The following SLC22A13 variants were observed in gnomAD, a reference collection of about 807,000 sequenced individuals.
The protein encoded by SLC22A13 is organic anion transporter 10.
A neutral mutation model predicts 49.1 loss-of-function variants in SLC22A13; 42 were observed. The ratio of observed to expected loss-of-function variants is 0.85; its 90% CI spans 0.67 to 1.11. The LOEUF is 1.11. Among genes scored for constraint, SLC22A13 ranks in the 50% least tolerant of loss-of-function variants. The pLI, the probability that SLC22A13 is intolerant of heterozygous loss-of-function variation, is 0.00. For synonymous variants in SLC22A13, 282 were observed against 293.1 expected (o/e 0.96, Z 0.39); for missense variants, 694 against 712.8 (o/e 0.97, Z 0.30).
intron 3 of SLC22A13, 22 bp from the exon 4 acceptor site, chr3:38,274,967 C>T (rs372380191): frequency 1.9e-6 from 3 of 1,612,318 alleles, no homozygotes; most frequent in African/African-American, 2.7e-5. Context: ...TTAGCCCTGT[C>T]TCAACCTCTC....
chr3:38,275,191 C>T, intron 4 of SLC22A13, 34 bp downstream of exon 4: 2 of 1,612,350 alleles, frequency 1.2e-6, no homozygotes, highest in South Asian at 1.1e-5. Flanking sequence ...CAAGCCCCCC[C>T]AGGTTAGTTG....
Position 38,265,906 on chromosome 3 carries a change from C to T in SLC22A13, c.46C>T (p.Arg16Cys), listed in dbSNP as rs1167633993. ...CCTGGCTGAAATAGGTGACTTTGGT[C>T]GCTTCCAGATACAGCTATTGATCCT... ...QVLAEIGDFG[R>C]FQIQLLILLC... The change falls in exon 1 of 10, where the codon CGC (arginine) becomes TGC (cysteine). Residue 16 changes from arginine (R) to cysteine (C), a missense_variant. Coordinates refer to ENST00000311856, the MANE Select transcript of SLC22A13 (RefSeq NM_004256.4). 23 of 1,613,936 alleles carry T rather than the reference C, an allele frequency of 1.4e-5. No homozygotes were observed. Among genetic ancestry groups the T allele is most frequent in the African/African-American group, 6.7e-5 (5 of 74,900 alleles).
In SLC22A13 at chr3:38,277,703, A is replaced by G. The variant is rs149385276; in HGVS notation, c.*238A>G. 4.9e-5 allele frequency: 22 copies of G among 445,270 alleles called. No homozygotes were observed. Among genetic ancestry groups the G allele is most frequent in the African/African-American group, 2.0e-4 (10 of 50,660 alleles). 27.6% of individuals were successfully genotyped at this position (445,270 alleles called of 1,614,324 possible). The stretch of plus-strand genomic sequence containing the variant: ...TCTCATCTCCAGAGCCCTGCCCCCA[A>G]TACTCTGTCTGGGTTAGGATCTTGG... On this transcript the variant is annotated 3_prime_UTR_variant, in exon 10 of 10. Coordinates refer to ENST00000311856, the MANE Select transcript of SLC22A13 (RefSeq NM_004256.4).
At chr3:38,274,125 G>A in intron 1 of SLC22A13, 147 bp from the exon 2 acceptor site, 1 of 635,902 alleles carries the variant, frequency 1.6e-6, no homozygotes, top group East Asian at 2.7e-5. Flanking sequence ...GCCATGCTCA[G>A]TGAGTTCACT....
chr3:38,265,951 C>T lies in SLC22A13; in HGVS notation c.91C>T (p.Leu31=), dbSNP rs1559535494. Residue 31 remains leucine, a synonymous_variant, in exon 1 of 10, where the codon CTG becomes TTG. Coordinates refer to ENST00000311856, the MANE Select transcript of SLC22A13 (RefSeq NM_004256.4). The part of the protein sequence containing the change: ...LLILLCVLNF[L]SPFYFFAHVF... Reference sequence around the variant, plus strand: ...GATCCTGCTGTGTGTTCTCAACTTCCTGTCTCCCTTCTACTTTTTTGCCCA... The same window carrying T: ...GATCCTGCTGTGTGTTCTCAACTTCTTGTCTCCCTTCTACTTTTTTGCCCA... The T allele has an allele frequency of 6.2e-7, 1 of 1,614,192 alleles. No individual in the cohort carries two copies. Among genetic ancestry groups the T allele is most frequent in the Non-Finnish European group, 8.5e-7 (1 of 1,180,024 alleles).
At chr3:38,276,262 G>T in intron 7 of SLC22A13, 25 bp from the exon 8 acceptor site, 1 of 1,588,914 alleles carries the variant, frequency 6.3e-7, no homozygotes, top group Non-Finnish European at 8.6e-7. Flanking sequence ...GGGCCCAGGT[G>T]ATGGGGCTGT....
At chr3:38,271,542 CAAAAAAAAAAAAAAA>C (rs397837435) in intron 1 of SLC22A13, among the ~76,000 whole-genome samples, 49 of 48,430 alleles carry the variant, frequency 1.0e-3, no homozygotes, top group African/African-American at 2.9e-3. Flanking sequence ...GACGCTTTCT[CAAAAAAAAAAAAAAA>C]AAAAAAAAAA....
rs143545532 is a variant in SLC22A13 at position 38,276,042 on chromosome 3, G to A, written c.1183G>A (p.Gly395Arg). Residue 395 changes from glycine (G) to arginine (R), a missense_variant, in exon 7 of 10, where the codon GGG becomes AGG. By Grantham distance (125) the Gly-to-Arg change is moderately radical. Transcript: ENST00000311856. ...GTTTGGCCGCAAGTGGAGCCAGTTG[G>A]GGACCTTGGTCTTGGGTGGCCTGAT... ...QRFGRKWSQL[G>R]TLVLGGLMCI... The A allele has an allele frequency of 3.1e-6, 5 of 1,613,992 alleles. No homozygotes were observed. In the African/African-American group the frequency reaches 5.3e-5, roughly 17 times the overall value.
intron 1 of SLC22A13, among the ~76,000 whole-genome samples, chr3:38,271,152 GC>G (rs1703515759): frequency 6.6e-6 from 1 of 152,300 alleles, no homozygotes; most frequent in South Asian, 2.1e-4. Context: ...AAACTTAAAT[GC>G]AAACAATACT....
Position 38,275,951 on chromosome 3 carries a change from G to A in SLC22A13, c.1092G>A (p.Leu364=), listed in dbSNP as rs762643857. 6.2e-7 allele frequency: 1 copy of A among 1,614,240 alleles called. No individual in the cohort carries two copies. Among genetic ancestry groups the A allele is most frequent in the South Asian group, 1.1e-5 (1 of 91,086 alleles). ...QVGDFGLDVY[L]TQLIFGAVEV... ...GGGACTTCGGCCTGGACGTCTATCT[G>A]ACGCAGCTCATCTTTGGAGCTGTTG... Residue 364 remains leucine (L), a synonymous_variant, in exon 7 of 10, where the codon CTG becomes CTA. Coordinates refer to ENST00000311856, the MANE Select transcript of SLC22A13 (RefSeq NM_004256.4).
intron 1 of SLC22A13, among the ~76,000 whole-genome samples, chr3:38,272,065 C>G (rs181649902): frequency 1.3e-5 from 2 of 152,202 alleles, no homozygotes; most frequent in Non-Finnish European, 2.9e-5. Flanking sequence ...CATATCTCGG[C>G]GCCTCTCCAA....
At position 38,276,922 on chromosome 3, in the gene SLC22A13, A is replaced by T; in HGVS notation, c.1357A>T (p.Met453Leu). Residue 453 changes from methionine (M) to leucine (L), a missense_variant, in exon 9 of 10, where the codon ATG (methionine) becomes TTG (leucine). By Grantham distance (15) the Met-to-Leu change is conservative. Coordinates refer to ENST00000311856, the MANE Select transcript of SLC22A13 (RefSeq NM_004256.4). ...LFPTILRQTG[M>L]GLVGIFSRIG... ...CTGGTCTTCCCCCAGGCAGACAGGC[A>T]TGGGGCTGGTGGGCATCTTCTCACG... is the stretch of plus-strand genomic sequence containing the variant. 6.2e-7 allele frequency: 1 copy of T among 1,613,690 alleles called. No individual in the cohort carries two copies. Among genetic ancestry groups the T allele is most frequent in the Non-Finnish European group, 8.5e-7 (1 of 1,179,872 alleles).
chr3:38,269,781 TTGTATACATGTGCCA>T (rs997938361), intron 1 of SLC22A13, among the ~76,000 whole-genome samples: 1 of 151,924 alleles, frequency 6.6e-6, no homozygotes, highest in Non-Finnish European at 1.5e-5. Context: ...TTAGTTACAT[TTGTATACATGTGCCA>T]TACTGGTGTG....
intron 1 of SLC22A13, among the ~76,000 whole-genome samples, chr3:38,268,467 A>G (rs1703485490): frequency 6.6e-6 from 1 of 152,220 alleles, no homozygotes; most frequent in Admixed American, 6.5e-5. Context: ...GCTGCGTTCT[A>G]GGAACACCAT....
In SLC22A13 at chr3:38,276,068, G is replaced by A. The variant is rs1455614973; in HGVS notation, c.1209G>A (p.Met403Ile). 3 of 1,613,932 alleles carry A rather than the reference G, an allele frequency of 1.9e-6. No individual in the cohort carries two copies. The highest frequency in any genetic ancestry group is 1.7e-5 in the Admixed American group (1 of 60,004). Residue 403 changes from methionine to isoleucine, a missense_variant, in exon 7 of 10, where the codon ATG becomes ATA. Physicochemically the swap from Met to Ile is conservative, Grantham distance 10 (BLOSUM62 1). Coordinates refer to ENST00000311856, the MANE Select transcript of SLC22A13 (RefSeq NM_004256.4). ...QLGTLVLGGLMCIIIIFIPAD... is the reference protein window; with the variant it reads ...QLGTLVLGGLICIIIIFIPAD... ...GGACCTTGGTCTTGGGTGGCCTGAT[G>A]TGTATCATCATCATCTTCATCCCAG...
At chr3:38,274,162 C>A in intron 1 of SLC22A13, 110 bp from the exon 2 acceptor site, 1 of 791,602 alleles carries the variant, frequency 1.3e-6, no homozygotes, top group South Asian at 1.5e-5. Flanking sequence ...CCTCAGTACA[C>A]AGTTTGGGAA....
At chr3:38,274,137 T>G in intron 1 of SLC22A13, 135 bp from the exon 2 acceptor site, 2 of 667,960 alleles carry the variant, frequency 3.0e-6, no homozygotes, top group South Asian at 3.5e-5. Flanking sequence ...GAGTTCACTA[T>G]GGTGCCCTGG....
At chr3:38,276,800 G>A in intron 8 of SLC22A13, 112 bp from the exon 9 acceptor site, 1 of 909,998 alleles carries the variant, frequency 1.1e-6, no homozygotes, top group Non-Finnish European at 1.7e-6. Context: ...GGGTGAGGCT[G>A]GAGACCCTGC....
rs780150017 is a variant in SLC22A13 at position 38,265,869 on chromosome 3, G to A, written c.9G>A (p.Gln3=). 6.2e-7 allele frequency: 1 copy of A among 1,614,124 alleles called. No individual in the cohort carries two copies. The change falls in exon 1 of 10, where the codon CAG becomes CAA. Residue 3 remains glutamine, a synonymous_variant. Transcript: ENST00000311856. MA[Q]FVQVLAEIGD... ...GGTAGTGACTGGCATACATGGCTCA[G>A]TTTGTCCAGGTCCTGGCTGAAATAG...
Sources: gnomAD v4.1 joint callset for allele counts (sites outside exome capture counted in the v4.1 genomes callset) on GRCh38, gnomAD v4.1.1 for gene constraint, MANE v1.5 for transcripts, NCBI Gene and HGNC (gene_info 2026-07-23, HGNC 2026-07-21) for gene names.